Variants in FOXRED2 observed in about 807,000 individuals in gnomAD.
FOXRED2 encodes FAD dependent oxidoreductase domain containing 2, also known as FAD-dependent oxidoreductase domain-containing protein 2.
In FOXRED2, 32 loss-of-function variants were observed where a neutral mutation model predicts 52.5. The ratio of observed to expected loss-of-function variants is 0.61; its 90% CI spans 0.46 to 0.82. The LOEUF is 0.82. FOXRED2 is among the 40% of genes least tolerant of loss of function. The probability of loss-of-function intolerance (pLI) is 0.00; values close to 1 mark genes in which losing one functional copy is unlikely to be tolerated. For synonymous variants in FOXRED2, 405 were observed against 398.1 expected (o/e 1.02, Z -0.21); for missense variants, 848 against 937.5 (o/e 0.90, Z 1.25).
At chr22:36,501,816 CGT>C (rs1340587018) in intron 4 of FOXRED2, among the ~76,000 whole-genome samples, 2 of 152,094 alleles carry the variant, frequency 1.3e-5, no homozygotes, top group African/African-American at 2.4e-5. Context: ...TTAGATTTCT[CGT>C]CTCATTTAAA....
intron 5 of FOXRED2, among the ~76,000 whole-genome samples, chr22:36,499,395 C>T (rs1310749768): frequency 5.9e-5 from 9 of 152,020 alleles, no homozygotes; most frequent in East Asian, 1.9e-4. Flanking sequence ...GTGGGTGGAT[C>T]GCTTGAGCTT....
At chr22:36,495,830 T>C in intron 7 of FOXRED2, 137 bp downstream of exon 7, 1 of 894,208 alleles carries the variant, frequency 1.1e-6, no homozygotes, top group Non-Finnish European at 1.8e-6. Flanking sequence ...TCTGCCCAAG[T>C]GGTCTCTAGG....
At position 36,498,153 on chromosome 22, in the gene FOXRED2, C is replaced by T. The variant is rs147194835; in HGVS notation, c.1220G>A (p.Arg407His). ...GTGCTCCAGGAGCCGGTGAACAGCA[C>T]GCACTGGAACAGCCAGAGGGAGGAA... ...GFIHGFRYTV[R>H]AVHRLLEHRH... Residue 407 changes from arginine (R) to histidine (H), a missense_variant, in exon 6 of 9, where the codon CGT (arginine) becomes CAT (histidine). Physicochemically the swap from Arg to His is conservative, Grantham distance 29. Transcript: ENST00000397224. 2.5e-5 allele frequency: 41 copies of T among 1,609,682 alleles called. No homozygotes were observed. Among genetic ancestry groups the T allele is most frequent in the Non-Finnish European group, 3.1e-5 (36 of 1,179,478 alleles).
chr22:36,489,967 G>T lies in FOXRED2; in HGVS notation c.*41C>A. The T allele has an allele frequency of 2.0e-6, 3 of 1,513,672 alleles. No individual in the cohort carries two copies. Among genetic ancestry groups the T allele is most frequent in the South Asian group, 2.6e-5 (2 of 75,788 alleles). The allele number at this position is 1,513,672 out of a possible 1,614,324, so 93.8% of individuals were successfully genotyped here. A position where few individuals can be genotyped will look rare whatever the true frequency, so the allele number is the denominator to read the frequency against. ...GAGGGACTGACCATGGGCCTAGGTGGGGAGGCCTGGCCACTGTGCCCACAG... is the reference window on the plus strand; with the variant it reads ...GAGGGACTGACCATGGGCCTAGGTGTGGAGGCCTGGCCACTGTGCCCACAG... On this transcript the variant is annotated 3_prime_UTR_variant, in exon 9 of 9. Coordinates refer to ENST00000397224, the MANE Select transcript of FOXRED2 (RefSeq NM_001102371.2).
Position 36,501,345 on chromosome 22 carries a change from T to C in FOXRED2, c.1112A>G (p.Tyr371Cys), listed in dbSNP as rs1230082607. The change falls in exon 5 of 9, where the codon TAC becomes TGC. Residue 371 changes from tyrosine (Y) to cysteine (C), a missense_variant. Tyr to Cys is a radical substitution (Grantham distance 194). Transcript: ENST00000397224. The stretch of plus-strand genomic sequence containing the variant: ...CAGACCCCGGCTTCCTTTGGATTCG[T>C]AGCTAGCTCGAATCAGCGGGTACTT... ...GKKYPLIRAS[Y>C]ESKGSRGLFI... 6.2e-7 allele frequency: 1 copy of C among 1,614,126 alleles called. No homozygotes were observed.
chr22:36,503,304 A>C (rs1194621958), intron 4 of FOXRED2, among the ~76,000 whole-genome samples: 1 of 148,846 alleles, frequency 6.7e-6, no homozygotes, highest in Non-Finnish European at 1.5e-5. Context: ...GCCTCTGCAC[A>C]CATTCTTCTT....
At chr22:36,501,932 G>A (rs964869568) in intron 4 of FOXRED2, among the ~76,000 whole-genome samples, 3 of 151,992 alleles carry the variant, frequency 2.0e-5, no homozygotes, top group Admixed American at 6.6e-5. Flanking sequence ...TTGGTAGGCC[G>A]AGGCGGGCGA....
At chr22:36,501,166 GAGT>G in intron 5 of FOXRED2, 72 bp downstream of exon 5, 3 of 1,455,318 alleles carry the variant, frequency 2.1e-6, no homozygotes, top group Non-Finnish European at 2.9e-6. Flanking sequence ...CTGGACATAG[GAGT>G]AGATTTATAA....
rs1475000971 is a variant in FOXRED2, at chr22:36,489,845, C to A, written c.*163G>T. ...GACCACCGCATCCCCGACTTTCAGC[C>A]CTCACGTGCCATCTGGTGGCTTTGC... On this transcript the variant is annotated 3_prime_UTR_variant, in exon 9 of 9. Transcript: ENST00000397224. The A allele has an allele frequency of 5.2e-5, 34 of 649,230 alleles. No homozygotes were observed. Among genetic ancestry groups the A allele is most frequent in the Non-Finnish European group, 8.2e-5 (34 of 414,314 alleles). 40.2% of individuals were successfully genotyped at this position (649,230 alleles called of 1,614,324 possible).
chr22:36,500,583 A>ATT (rs5845272), intron 5 of FOXRED2, among the ~76,000 whole-genome samples: 5,072 of 136,688 alleles, frequency 0.037, 163 homozygotes, highest in Non-Finnish European at 0.046. Context: ...ATCCAATTAC[A>ATT]TTTTTTTTTT....
In FOXRED2 at chr22:36,506,024, C is replaced by T. The variant is rs773930133; in HGVS notation, c.399G>A (p.Ala133=). The part of the protein sequence containing the change: ...RDMVRYLGDF[A]DTLGLRVQYN... The stretch of plus-strand genomic sequence containing the variant: ...ACTGGACACGGAGCCCCAGCGTGTC[C>T]GCGAAGTCACCCAGGTAGCGCACCA... Residue 133 remains alanine (A), a synonymous_variant, in exon 2 of 9, where the codon GCG becomes GCA. Transcript: ENST00000397224. 5.6e-6 allele frequency: 9 copies of T among 1,614,100 alleles called. No individual in the cohort carries two copies. In the East Asian group the frequency reaches 6.7e-5, roughly 12 times the overall value.
At chr22:36,496,805 G>C (rs1434360051) in intron 6 of FOXRED2, among the ~76,000 whole-genome samples, 1 of 152,226 alleles carries the variant, frequency 6.6e-6, no homozygotes, top group East Asian at 1.9e-4. Flanking sequence ...GGTGGTGGTA[G>C]AGCAGGTGAG....
Position 36,495,948 on chromosome 22 carries a change from A to T in FOXRED2, c.1624+19T>A. 1.2e-6 allele frequency: 2 copies of T among 1,610,652 alleles called. No homozygotes were observed. The highest frequency in any genetic ancestry group is 8.5e-7 in the Non-Finnish European group (1 of 1,177,080). ...GTCTGAGGAGCCCACAGGTTGGGGA[A>T]GGGCAGAGACCTGCTCACCGGTGGG... On this transcript the variant is annotated intron_variant, in intron 7 of 8. Coordinates refer to ENST00000397224, the MANE Select transcript of FOXRED2 (RefSeq NM_001102371.2).
chr22:36,506,435 C>G lies in FOXRED2; in HGVS notation c.-1-12G>C. ...CGGAGAGGCCCATCCTGCAGCAGAT[C>G]AGAGGGGTAAGGCCTCGCACCCGGC... On this transcript the variant is annotated splice_polypyrimidine_tract_variant and intron_variant, in intron 1 of 8. Transcript: ENST00000397224. The G allele has an allele frequency of 7.0e-7, 1 of 1,431,120 alleles. No homozygotes were observed. Among genetic ancestry groups the G allele is most frequent in the Non-Finnish European group, 9.1e-7 (1 of 1,097,060 alleles). The allele number at this position is 1,431,120 out of a possible 1,614,324, so 88.7% of individuals were successfully genotyped here.
rs779946924 is a variant in FOXRED2 at position 36,504,085 on chromosome 22, G to A, written c.1049+13C>T. On this transcript the variant is annotated intron_variant, in intron 4 of 8. Transcript: ENST00000397224. ...TTGCTAGGAGAGCCCACCTCCTTCC[G>A]CATGGAACTCACTTATTGAAAATGG... The A allele has an allele frequency of 5.6e-6, 9 of 1,611,136 alleles. 1 individual carries two copies. In the South Asian group the frequency reaches 6.6e-5, roughly 12 times the overall value.
intron 7 of FOXRED2, 131 bp from the exon 8 acceptor site, chr22:36,493,934 C>T: frequency 4.1e-6 from 3 of 738,676 alleles, no homozygotes; most frequent in Non-Finnish European, 6.6e-6. Flanking sequence ...TCCCGACAGC[C>T]TCCTATGCTG....
Position 36,504,349 on chromosome 22 carries a change from C to T in FOXRED2, c.798G>A (p.Leu266=). ...VGDLRAINNG[L]LDTYQLKSLD... is the part of the protein sequence containing the mutation. ...GGGACTTGAGCTGGTAGGTATCCAGCAGGCCATTGTTGATGGCTCTGAGCC... is the reference window on the plus strand; with the variant it reads ...GGGACTTGAGCTGGTAGGTATCCAGTAGGCCATTGTTGATGGCTCTGAGCC... Residue 266 remains leucine (L), a synonymous_variant, in exon 4 of 9, where the codon CTG becomes CTA. Coordinates refer to ENST00000397224, the MANE Select transcript of FOXRED2 (RefSeq NM_001102371.2). 6.2e-7 allele frequency: 1 copy of T among 1,614,076 alleles called. No individual in the cohort carries two copies. The highest frequency in any genetic ancestry group is 8.5e-7 in the Non-Finnish European group (1 of 1,180,016).
Position 36,501,372 on chromosome 22 carries a change from T to G in FOXRED2, c.1085A>C (p.Lys362Thr), listed in dbSNP as rs767097077. The G allele has an allele frequency of 1.9e-6, 3 of 1,614,192 alleles. No individual in the cohort carries two copies. In the South Asian group the frequency reaches 3.3e-5, roughly 18 times the overall value. The change falls in exon 5 of 9, where the codon AAG becomes ACG. Residue 362 changes from lysine (K) to threonine (T), a missense_variant. Lys to Thr is a moderately conservative substitution (Grantham distance 78, BLOSUM62 -1). Transcript: ENST00000397224. ...GCTAGCTCGAATCAGCGGGTACTTC[T>G]TGCCGAATGCATTTCCCGAGTTAAG... ...LRLNSGNAFG[K>T]KYPLIRASYE... is the part of the protein sequence containing the mutation.
At chr22:36,498,549 C>T (rs1163694182) in intron 5 of FOXRED2, among the ~76,000 whole-genome samples, 1 of 152,126 alleles carries the variant, frequency 6.6e-6, no homozygotes, top group African/African-American at 2.4e-5. Context: ...CCACCGGCCC[C>T]ACCTCACACA....
Sources: gnomAD v4.1 joint callset for allele counts (sites outside exome capture counted in the v4.1 genomes callset) on GRCh38, gnomAD v4.1.1 for gene constraint, MANE v1.5 for transcripts, NCBI Gene and HGNC (gene_info 2026-07-23, HGNC 2026-07-21) for gene names.